Variants in NPR3 observed in about 807,000 individuals in gnomAD.
NPR3 encodes the protein atrial natriuretic peptide receptor 3.
In NPR3, 34 loss-of-function variants were observed where a neutral mutation model predicts 54.5. The ratio of observed to expected loss-of-function variants is 0.62; its 90% CI spans 0.47 to 0.83. The LOEUF is 0.83. Among genes scored for constraint, NPR3 ranks in the 40% least tolerant of loss-of-function variants. The probability of loss-of-function intolerance (pLI) is 0.00; values close to 1 mark genes in which losing one functional copy is unlikely to be tolerated. For missense variants in NPR3, 674 were observed against 720.8 expected, an observed-to-expected ratio of 0.94 and a Z score of 0.74; for synonymous variants, 289 against 297.1, an observed-to-expected ratio of 0.97 and a Z score of 0.28.
intron 3 of NPR3, among the ~76,000 whole-genome samples, chr5:32,764,809 A>G (rs897637064): frequency 6.7e-6 from 1 of 149,216 alleles, no homozygotes; most frequent in Admixed American, 6.7e-5. Context: ...AAAAAAAAAA[A>G]AAAAAAAGAA....
chr5:32,717,974 T>G (rs183090595), intron 1 of NPR3, among the ~76,000 whole-genome samples: 5 of 152,234 alleles, frequency 3.3e-5, no homozygotes, highest in Middle Eastern at 3.4e-3. Flanking sequence ...TCTTCTAGGG[T>G]TTTTTATGGT....
chr5:32,768,282 C>T (rs1741581562), intron 3 of NPR3, among the ~76,000 whole-genome samples: 1 of 152,136 alleles, frequency 6.6e-6, no homozygotes, highest in Non-Finnish European at 1.5e-5. Context: ...CATCTGAAGG[C>T]CAGGAACGAT....
intron 2 of NPR3, among the ~76,000 whole-genome samples, chr5:32,736,083 T>C (rs1012504150): frequency 2.0e-5 from 3 of 151,458 alleles, no homozygotes; most frequent in African/African-American, 7.3e-5. Context: ...ATACAAAAAT[T>C]AGCCGGGTGT....
At chr5:32,720,754 G>A (rs921292089) in intron 1 of NPR3, among the ~76,000 whole-genome samples, 1 of 152,082 alleles carries the variant, frequency 6.6e-6, no homozygotes, top group Non-Finnish European at 1.5e-5. Flanking sequence ...CAGGTCGCAG[G>A]ATTAGCTGAT....
intron 3 of NPR3, among the ~76,000 whole-genome samples, chr5:32,758,236 CTTT>C (rs1199186412): frequency 6.6e-6 from 1 of 152,058 alleles, no homozygotes; most frequent in Non-Finnish European, 1.5e-5. Flanking sequence ...TGGTCCTGGA[CTTT>C]TTTTGGTTGG....
intron 3 of NPR3, among the ~76,000 whole-genome samples, chr5:32,767,905 G>C (rs1273994986): frequency 1.3e-5 from 2 of 152,168 alleles, no homozygotes; most frequent in Admixed American, 1.3e-4. Context: ...AGAATTACAT[G>C]CTCCTTCTGA....
At chr5:32,693,491 A>G (rs1740450957) in intron 1 of NPR3, among the ~76,000 whole-genome samples, 1 of 152,222 alleles carries the variant, frequency 6.6e-6, no homozygotes, top group African/African-American at 2.4e-5. Context: ...ACTAATTTAG[A>G]ATAGAAAATG....
intron 1 of NPR3, among the ~76,000 whole-genome samples, chr5:32,716,082 T>C (rs1738530823): frequency 1.3e-5 from 2 of 152,158 alleles, no homozygotes; most frequent in Admixed American, 1.3e-4. Flanking sequence ...TAAAGGCCTT[T>C]GGAGTAGATG....
At chr5:32,710,495 C>A, upstream of NPR3, 2 of 687,196 alleles carry the variant, frequency 2.9e-6, no homozygotes, top group South Asian at 6.6e-5. Flanking sequence ...GTTTCACTTT[C>A]CTGCTCTCAG....
chr5:32,782,768 T>C, intron 5 of NPR3, 125 bp from the exon 6 acceptor site: 1 of 914,714 alleles, frequency 1.1e-6, no homozygotes, highest in South Asian at 1.9e-5. Flanking sequence ...GGTGATTTGA[T>C]GAAATGCCCA....
rs985432315 is a variant in NPR3 at position 32,789,747 on chromosome 5, G to A, written c.*3402G>A. 1.9e-6 allele frequency: 1 copy of A among 533,608 alleles called. No individual in the cohort carries two copies. Among genetic ancestry groups the A allele is most frequent in the African/African-American group, 1.9e-5 (1 of 51,864 alleles). The allele number at this position is 533,608 out of a possible 1,614,324, so 33.1% of individuals were successfully genotyped here. ...GTGTGTAAGACATGCAGTCAACAAT[G>A]AGATGAAGGCCATTGCATAGATCTC... On this transcript the variant is annotated 3_prime_UTR_variant, in exon 8 of 8. Transcript: ENST00000265074.
chr5:32,700,898 C>T (rs1737764634), intron 1 of NPR3, among the ~76,000 whole-genome samples: 1 of 152,114 alleles, frequency 6.6e-6, no homozygotes, highest in Non-Finnish European at 1.5e-5. Context: ...TTATAATCTC[C>T]TGGGTATATA....
intron 3 of NPR3, among the ~76,000 whole-genome samples, chr5:32,763,535 A>C (rs1741286100): frequency 1.3e-5 from 2 of 149,072 alleles, no homozygotes; most frequent in African/African-American, 5.0e-5. Context: ...GCTCATCTTG[A>C]ATTTCTGATC....
At chr5:32,710,515 AGAGGGTCCGT>A, upstream of NPR3, 5 of 870,032 alleles carry the variant, frequency 5.7e-6, no homozygotes, top group Non-Finnish European at 8.0e-6. Flanking sequence ...GTGCGCTGAC[AGAGGGTCCGT>A]GAGCTGGGAC....
At chr5:32,761,643 A>T in intron 3 of NPR3, among the ~76,000 whole-genome samples, 1 of 149,614 alleles carries the variant, frequency 6.7e-6, no homozygotes, top group Non-Finnish European at 1.5e-5. Context: ...TGTACTTTTC[A>T]GTTCTATAAT....
At chr5:32,785,255 C>G (rs1579715696) in intron 7 of NPR3, among the ~76,000 whole-genome samples, 1 of 148,578 alleles carries the variant, frequency 6.7e-6, no homozygotes, top group East Asian at 2.0e-4. Context: ...TGGGTTCAAG[C>G]AATTCTGCCT....
At chr5:32,769,042 C>T (rs1278141791) in intron 3 of NPR3, among the ~76,000 whole-genome samples, 1 of 152,150 alleles carries the variant, frequency 6.6e-6, no homozygotes, top group Non-Finnish European at 1.5e-5. Flanking sequence ...AATACGTCAT[C>T]AAGTGACCAA....
Position 32,711,849 on chromosome 5 carries a change from G to T in NPR3, c.73G>T (p.Gly25Cys). 1.4e-6 allele frequency: 2 copies of T among 1,462,358 alleles called. No individual in the cohort carries two copies. The highest frequency in any genetic ancestry group is 1.5e-5 in the South Asian group (1 of 68,232). The allele number at this position is 1,462,358 out of a possible 1,614,324, so 90.6% of individuals were successfully genotyped here. Residue 25 changes from glycine to cysteine, a missense_variant, in exon 1 of 8, where the codon GGT (glycine) becomes TGT (cysteine). Transcript: ENST00000265074. The part of the protein sequence containing the change: ...LGWALLAGGT[G>C]GGGVGGGGGG... ...CTGGGCGTTGCTGGCCGGCGGCACCGGTGGCGGTGGCGTTGGCGGCGGCGG... is the reference window on the plus strand; with the variant it reads ...CTGGGCGTTGCTGGCCGGCGGCACCTGTGGCGGTGGCGTTGGCGGCGGCGG...
At chr5:32,754,296 A>G (rs1196600419) in intron 3 of NPR3, among the ~76,000 whole-genome samples, 2 of 152,200 alleles carry the variant, frequency 1.3e-5, no homozygotes, top group African/African-American at 4.8e-5. Flanking sequence ...TGTTAAATGA[A>G]GTAAACCACA....
Sources: gnomAD v4.1 joint callset for allele counts (sites outside exome capture counted in the v4.1 genomes callset) on GRCh38, gnomAD v4.1.1 for gene constraint, MANE v1.5 for transcripts, NCBI Gene and HGNC (gene_info 2026-07-23, HGNC 2026-07-21) for gene names.